Variants in DPF3 observed in about 807,000 individuals in gnomAD.
DPF3 encodes the protein zinc finger protein DPF3.
A neutral mutation model predicts 56.8 loss-of-function variants in DPF3; 18 were observed. That is an observed-to-expected ratio of 0.32 (90% CI 0.22 to 0.47). DPF3 has a LOEUF of 0.47. DPF3 is among the 20% of genes least tolerant of loss of function. The pLI is 1.00. For missense variants in DPF3, 403 were observed against 488.8 expected, an observed-to-expected ratio of 0.82 and a Z score of 1.65; for synonymous variants, 188 against 180.2, an observed-to-expected ratio of 1.04 and a Z score of -0.35.
chr14:72,806,117 C>T (rs538631329), intron 1 of DPF3: 1 of 152,326 alleles, frequency 6.6e-6, no homozygotes, highest in Non-Finnish European at 1.5e-5. Context: ...AAGGGCCTAT[C>T]TAGCAATGTC....
chr14:72,887,674 C>T (rs1258416385), intron 1 of DPF3, among the ~76,000 whole-genome samples: 1 of 86,656 alleles, frequency 1.2e-5, no homozygotes, highest in African/African-American at 4.2e-5. Context: ...ATCATAAAGA[C>T]AAGGAATATG....
chr14:72,773,758 T>C (rs1469101898), intron 1 of DPF3: 2 of 448,380 alleles, frequency 4.5e-6, no homozygotes, highest in Non-Finnish European at 8.9e-6. Flanking sequence ...CTTAGCATAA[T>C]ATCCTCAGGG....
chr14:72,664,430 CTT>C (rs1886358668), intron 8 of DPF3, among the ~76,000 whole-genome samples: 1 of 152,150 alleles, frequency 6.6e-6, no homozygotes, highest in South Asian at 2.1e-4. Context: ...TCCATTTTCT[CTT>C]TTGTTTCCTC....
At chr14:72,755,267 C>T (rs1170184590) in intron 2 of DPF3, among the ~76,000 whole-genome samples, 1 of 152,224 alleles carries the variant, frequency 6.6e-6, no homozygotes, top group African/African-American at 2.4e-5. Flanking sequence ...CCAGGTCCTA[C>T]ACCCTCCCTG....
intron 4 of DPF3, among the ~76,000 whole-genome samples, chr14:72,729,736 C>G (rs760795778): frequency 3.3e-5 from 5 of 152,046 alleles, no homozygotes; most frequent in African/African-American, 7.2e-5. Context: ...ACTATGGAGA[C>G]GGGGAAACGG....
chr14:72,636,328 T>C (rs528079635), intron 8 of DPF3, among the ~76,000 whole-genome samples: 1 of 151,458 alleles, frequency 6.6e-6, no homozygotes, highest in African/African-American at 2.4e-5. Flanking sequence ...TAGTCATATC[T>C]GAATCATCAT....
At chr14:72,631,522 A>G (rs990691232) in intron 8 of DPF3, among the ~76,000 whole-genome samples, 6 of 152,196 alleles carry the variant, frequency 3.9e-5, no homozygotes, top group African/African-American at 1.2e-4. Context: ...AGTTTCTCTG[A>G]CCAGGCACCA....
At chr14:72,863,092 ATATATATATG>A (rs1339761896) in intron 1 of DPF3, among the ~76,000 whole-genome samples, 1 of 136,120 alleles carries the variant, frequency 7.3e-6, no homozygotes, top group African/African-American at 2.7e-5. Flanking sequence ...ATATATATAT[ATATATATATG>A]TGTGTGTATA....
At chr14:72,674,956 A>C (rs530423356) in intron 7 of DPF3, among the ~76,000 whole-genome samples, 1 of 152,226 alleles carries the variant, frequency 6.6e-6, no homozygotes, top group African/African-American at 2.4e-5. Context: ...GGGGAGTCTC[A>C]TCTCCCTGAA....
chr14:72,650,788 C>T (rs75018610), intron 8 of DPF3, among the ~76,000 whole-genome samples: 3,235 of 152,180 alleles, frequency 0.021, 65 homozygotes, highest in African/African-American at 0.045. Flanking sequence ...ACAAAGGAGG[C>T]GTCTCCCTCC....
chr14:72,846,557 C>T (rs565540111), intron 1 of DPF3, among the ~76,000 whole-genome samples: 14 of 151,754 alleles, frequency 9.2e-5, no homozygotes, highest in African/African-American at 2.9e-4. Flanking sequence ...AGGATGGTCT[C>T]AATCTCCTGA....
intron 1 of DPF3, among the ~76,000 whole-genome samples, chr14:72,801,485 G>A (rs2140001769): frequency 6.6e-6 from 1 of 152,324 alleles, no homozygotes; most frequent in Non-Finnish European, 1.5e-5. Context: ...GAACCACACT[G>A]TGCACTCTTC....
chr14:72,749,888 G>C (rs1890494457), intron 3 of DPF3, among the ~76,000 whole-genome samples: 1 of 151,536 alleles, frequency 6.6e-6, no homozygotes, highest in African/African-American at 2.4e-5. Flanking sequence ...GTAAGAAAGA[G>C]AGAGAGAGGT....
chr14:72,694,767 G>A (rs1887838140), intron 6 of DPF3, among the ~76,000 whole-genome samples: 1 of 152,152 alleles, frequency 6.6e-6, no homozygotes, highest in Non-Finnish European at 1.5e-5. Context: ...TGTTTAGAAC[G>A]ATGTATCTGG....
At chr14:72,847,960 C>G (rs1884826476) in intron 1 of DPF3, among the ~76,000 whole-genome samples, 1 of 152,152 alleles carries the variant, frequency 6.6e-6, no homozygotes, top group South Asian at 2.1e-4. Context: ...AGTGGAAGCT[C>G]CTTAATGACA....
At chr14:72,782,454 G>A (rs1892019754) in intron 1 of DPF3, among the ~76,000 whole-genome samples, 1 of 152,140 alleles carries the variant, frequency 6.6e-6, no homozygotes, top group East Asian at 1.9e-4. Context: ...GGAACTCCGG[G>A]GCTCAAGCAG....
intron 1 of DPF3, among the ~76,000 whole-genome samples, chr14:72,773,150 T>G (rs1406375351): frequency 8.8e-6 from 1 of 113,026 alleles, no homozygotes; most frequent in Non-Finnish European, 1.9e-5. Flanking sequence ...TTTTTTTTTT[T>G]GAGATGGAGT....
intron 7 of DPF3, 70 bp downstream of exon 7, chr14:72,693,006 G>T: frequency 6.3e-7 from 1 of 1,592,858 alleles, no homozygotes; most frequent in Non-Finnish European, 8.6e-7. Context: ...TGAGAAAAAG[G>T]AACAAGGAAC....
intron 1 of DPF3, chr14:72,835,940 TCGAC>T (rs1884274640): frequency 1.4e-6 from 1 of 693,186 alleles, no homozygotes; most frequent in Admixed American, 6.3e-5. Context: ...ATTTGACTCT[TCGAC>T]ACCTAAAACC....
Sources: allele counts gnomAD v4.1 joint callset (sites outside exome capture counted in the v4.1 genomes callset), GRCh38; gene constraint gnomAD v4.1.1; transcripts MANE v1.5; gene names NCBI Gene and HGNC (gene_info 2026-07-23, HGNC 2026-07-21).